Variants in EIF4E2 observed in about 807,000 individuals in gnomAD.
EIF4E2 encodes eukaryotic translation initiation factor 4E type 2.
A neutral mutation model predicts 34.2 loss-of-function variants in EIF4E2; 13 were observed. That is an observed-to-expected ratio of 0.38 (90% CI 0.25 to 0.60). The LOEUF is 0.60. EIF4E2 is among the 20% of genes least tolerant of loss of function. The probability of loss-of-function intolerance (pLI) is 0.62; values close to 1 mark genes in which losing one functional copy is unlikely to be tolerated. For missense variants in EIF4E2, 222 were observed against 315.1 expected (o/e 0.70, Z 2.24); for synonymous variants, 100 against 106.6 (o/e 0.94, Z 0.38).
chr2:232,551,472 T>C (rs1356736367), intron 1 of EIF4E2, among the ~76,000 whole-genome samples: 1 of 152,218 alleles, frequency 6.6e-6, no homozygotes, highest in East Asian at 1.9e-4. Context: ...TGAGGTAGAA[T>C]ATGTTCCTTC....
At position 232,558,026 on chromosome 2, in the gene EIF4E2, C is replaced by T; in HGVS notation, c.270+8C>T. 6.2e-7 allele frequency: 1 copy of T among 1,613,784 alleles called. No homozygotes were observed. Among genetic ancestry groups the T allele is most frequent in the Non-Finnish European group, 8.5e-7 (1 of 1,179,920 alleles). ...ATTGGCACCTTTGCCTCTGTGAGTT[C>T]TTGGTGAATTAATGGAGTGTGCCTT... On this transcript the variant is annotated splice_region_variant and intron_variant, in intron 3 of 6. Transcript: ENST00000258416.
chr2:232,571,481 T>A (rs1451975186), downstream of EIF4E2, among the ~76,000 whole-genome samples: 1 of 152,204 alleles, frequency 6.6e-6, no homozygotes, highest in Non-Finnish European at 1.5e-5. Context: ...GAAACAGCAA[T>A]GTCTTTTGTG....
intron 3 of EIF4E2, among the ~76,000 whole-genome samples, chr2:232,564,017 A>G (rs1406781739): frequency 1.3e-5 from 2 of 152,354 alleles, no homozygotes; most frequent in East Asian, 1.9e-4. Context: ...CAAAGATTTT[A>G]TTCTTGAATT....
chr2:232,552,015 C>T (rs1692354531), intron 1 of EIF4E2, among the ~76,000 whole-genome samples: 1 of 152,268 alleles, frequency 6.6e-6, no homozygotes, highest in South Asian at 2.1e-4. Flanking sequence ...CAACAACTAG[C>T]TCCAGATCCA....
chr2:232,551,014 G>C, intron 1 of EIF4E2: 1 of 608,232 alleles, frequency 1.6e-6, no homozygotes, highest in Non-Finnish European at 2.9e-6. Context: ...GGAGATTTTC[G>C]GACGCCCCGC....
intron 6 of EIF4E2, chr2:232,568,192 A>G: frequency 1.0e-6 from 1 of 985,412 alleles, no homozygotes; most frequent in Non-Finnish European, 1.2e-6. Flanking sequence ...TGTTGTTATT[A>G]TTGAAGGCTA....
intron 1 of EIF4E2, 90 bp from the exon 2 acceptor site, chr2:232,556,326 T>A (rs945653184): frequency 4.9e-6 from 5 of 1,017,806 alleles, no homozygotes; most frequent in African/African-American, 3.2e-5. Flanking sequence ...TTGGGTTGGT[T>A]ACATAGTAGT....
At chr2:232,561,833 GTCCTT>G (rs766981392) in intron 3 of EIF4E2, among the ~76,000 whole-genome samples, 72 of 151,788 alleles carry the variant, frequency 4.7e-4, no homozygotes, top group South Asian at 1.9e-3. Flanking sequence ...GATTTCTGAG[GTCCTT>G]TCGGCACCTC....
chr2:232,556,689 C>T (rs1692536527), intron 2 of EIF4E2, 159 bp downstream of exon 2: 1 of 602,690 alleles, frequency 1.7e-6, no homozygotes, highest in Admixed American at 2.9e-5. Context: ...CATTGATGTT[C>T]ATTTTCAGAC....
chr2:232,565,815 C>T (rs987898408), intron 4 of EIF4E2, among the ~76,000 whole-genome samples: 9 of 151,308 alleles, frequency 5.9e-5, no homozygotes, highest in Admixed American at 2.0e-4. Flanking sequence ...GGGCTTCAGC[C>T]AGGCGCAGTG....
intron 4 of EIF4E2, among the ~76,000 whole-genome samples, chr2:232,564,792 C>G (rs1390540500): frequency 1.3e-5 from 2 of 152,208 alleles, no homozygotes; most frequent in Non-Finnish European, 2.9e-5. Flanking sequence ...GCATCACTCT[C>G]CAGTATATCC....
In EIF4E2 at chr2:232,566,396, C is replaced by T. The variant is rs1479394171; in HGVS notation, c.376-433C>T. Among the ~76,000 whole-genome samples, 1 of 152,152 alleles carries T rather than the reference C, an allele frequency of 6.6e-6. No individual in the cohort carries two copies. The highest frequency in any genetic ancestry group is 1.5e-5 in the Non-Finnish European group (1 of 68,026). ...TAGTAGAGACGCGGTTTCACCGTGT[C>T]AGCCAGGATGGTCTCGATCTCCTCA... is the stretch of plus-strand genomic sequence containing the variant. On this transcript the variant is annotated intron_variant, in intron 4 of 6. Coordinates refer to ENST00000258416, the MANE Select transcript of EIF4E2 (RefSeq NM_004846.4). This position sits in a 1 kb window ranked among gnomAD's most constrained non-coding sequence, Gnocchi z 4.9.
At position 232,581,020 on chromosome 2, in the gene EIF4E2, C is replaced by T. The variant is rs1009747054; in HGVS notation, c.*77C>T. On this transcript the variant is annotated 3_prime_UTR_variant, in exon 7 of 7. Transcript: ENST00000409098. The surrounding 1 kb of genome is among the most constrained non-coding windows in gnomAD (Gnocchi z 5.2). The stretch of plus-strand genomic sequence containing the variant: ...ATGGATGGGAGGCCTCCAGCCAGTC[C>T]TTCCATTGCTCACTGAAGGGACGTC... 2.1e-6 allele frequency: 3 copies of T among 1,412,596 alleles called. No homozygotes were observed. Among genetic ancestry groups the T allele is most frequent in the African/African-American group, 2.9e-5 (2 of 70,142 alleles). 87.5% of individuals were successfully genotyped at this position (1,412,596 alleles called of 1,614,324 possible).
downstream of EIF4E2, chr2:232,573,947 T>C: frequency 1.9e-6 from 1 of 520,516 alleles, no homozygotes; most frequent in South Asian, 1.9e-5. Context: ...TTGGTGACAG[T>C]TGAGCATCAG....
intron 1 of EIF4E2, among the ~76,000 whole-genome samples, chr2:232,552,167 A>G (rs898365691): frequency 5.9e-5 from 9 of 152,114 alleles, no homozygotes; most frequent in Non-Finnish European, 8.8e-5. Flanking sequence ...TGCAGTAAGA[A>G]TGGTAATAAT....
At chr2:232,565,835 T>C (rs1248961736) in intron 4 of EIF4E2, among the ~76,000 whole-genome samples, 1 of 152,016 alleles carries the variant, frequency 6.6e-6, no homozygotes, top group African/African-American at 2.4e-5. Context: ...GGCTCACTCC[T>C]GTAATCCCAG....
At chr2:232,573,746 G>GT (rs1297000130), downstream of EIF4E2, 1 of 277,796 alleles carries the variant, frequency 3.6e-6, no homozygotes, top group African/African-American at 2.2e-5. Context: ...GTGTAGAAGG[G>GT]TTAGAAGGTC....
chr2:232,580,889 A>AT (rs1040191495), intron 6 of EIF4E2: 4 of 1,546,172 alleles, frequency 2.6e-6, no homozygotes, highest in Admixed American at 3.9e-5. Flanking sequence ...ATTTTCTCCC[A>AT]TTTTTTTCTT....
Position 232,581,523 on chromosome 2 carries a change from T to G in EIF4E2, c.*580T>G. On this transcript the variant is annotated 3_prime_UTR_variant, in exon 7 of 7. Transcript: ENST00000409098. The surrounding 1 kb of genome is among the most constrained non-coding windows in gnomAD (Gnocchi z 5.2). Reference sequence around the variant, plus strand: ...GGATTTTGTATCATCCCCTGCCTTATGCCCTCCGGTCTCCTCTCCTGTGGG... The same window carrying G: ...GGATTTTGTATCATCCCCTGCCTTAGGCCCTCCGGTCTCCTCTCCTGTGGG... 4.7e-6 allele frequency: 1 copy of G among 214,366 alleles called. No individual in the cohort carries two copies. Among genetic ancestry groups the G allele is most frequent in the South Asian group, 6.9e-5 (1 of 14,572 alleles). The allele number at this position is 214,366 out of a possible 1,614,324, so 13.3% of individuals were successfully genotyped here. A position where few individuals can be genotyped will look rare whatever the true frequency, so the allele number is the denominator to read the frequency against.
Sources: gnomAD v4.1 joint callset for allele counts (sites outside exome capture counted in the v4.1 genomes callset) on GRCh38, gnomAD v4.1.1 for gene constraint, Gnocchi (gnomAD v3.1) non-coding constraint, MANE v1.5 for transcripts, NCBI Gene and HGNC (gene_info 2026-07-23, HGNC 2026-07-21) for gene names.